The following GALNTL6 variants were observed in gnomAD, a reference collection of about 807,000 sequenced individuals.
GALNTL6 encodes the protein polypeptide N-acetylgalactosaminyltransferase-like 6.
Under a neutral mutation model 73.7 loss-of-function variants are expected in GALNTL6, and 46 were observed. That is an observed-to-expected ratio of 0.62 (90% CI 0.49 to 0.80). The LOEUF (loss-of-function observed/expected upper bound fraction) is 0.80, where lower values mean the gene tolerates loss of function less well. Ranked by LOEUF, GALNTL6 falls within the 30% of genes least tolerant of loss-of-function variation. The probability of loss-of-function intolerance (pLI) is 0.00; values close to 1 mark genes in which losing one functional copy is unlikely to be tolerated. For missense variants in GALNTL6, 604 were observed against 755.0 expected, an observed-to-expected ratio of 0.80 and a Z score of 2.34; for synonymous variants, 259 against 263.7, an observed-to-expected ratio of 0.98 and a Z score of 0.17.
intron 5 of GALNTL6, among the ~76,000 whole-genome samples, chr4:172,619,087 G>A (rs1028488581): frequency 6.6e-6 from 1 of 152,070 alleles, no homozygotes; most frequent in African/African-American, 2.4e-5. Flanking sequence ...AAGAGGTCAG[G>A]AAAAGCAAGC....
intron 5 of GALNTL6, among the ~76,000 whole-genome samples, chr4:172,798,847 AATC>A (rs778779340): frequency 2.0e-5 from 3 of 152,256 alleles, no homozygotes; most frequent in Non-Finnish European, 4.4e-5. Flanking sequence ...TAGAGAGAAA[AATC>A]ATAAATATAC....
At chr4:172,397,108 G>A (rs1413932225) in intron 5 of GALNTL6, among the ~76,000 whole-genome samples, 1 of 152,248 alleles carries the variant, frequency 6.6e-6, no homozygotes, top group Middle Eastern at 3.4e-3. Flanking sequence ...ATATGTGTTT[G>A]TTCATGTGAG....
At chr4:172,958,618 G>T (rs1749876467) in intron 10 of GALNTL6, among the ~76,000 whole-genome samples, 1 of 152,232 alleles carries the variant, frequency 6.6e-6, no homozygotes, top group African/African-American at 2.4e-5. Flanking sequence ...TGAGAGATCA[G>T]TCAGACATGA....
chr4:172,826,146 G>A (rs182505886), intron 7 of GALNTL6, among the ~76,000 whole-genome samples: 1 of 152,162 alleles, frequency 6.6e-6, no homozygotes, highest in Non-Finnish European at 1.5e-5. Flanking sequence ...CAGGACAAGA[G>A]TGCAAATGAA....
At chr4:172,951,725 A>G (rs1251141903) in intron 9 of GALNTL6, among the ~76,000 whole-genome samples, 1 of 152,242 alleles carries the variant, frequency 6.6e-6, no homozygotes, top group Non-Finnish European at 1.5e-5. Flanking sequence ...TAAAAAATGT[A>G]TAATCATGAA....
intron 2 of GALNTL6, among the ~76,000 whole-genome samples, chr4:171,876,996 G>T (rs968353324): frequency 9.2e-5 from 14 of 152,000 alleles, no homozygotes; most frequent in Non-Finnish European, 1.9e-4. Context: ...TTGCTCTGTT[G>T]CTCCTAGTTT....
At chr4:172,823,337 T>C (rs1742049920) in intron 7 of GALNTL6, among the ~76,000 whole-genome samples, 1 of 152,210 alleles carries the variant, frequency 6.6e-6, no homozygotes, top group Non-Finnish European at 1.5e-5. Context: ...ATTCAACAAC[T>C]CTTCTTTTTT....
chr4:172,684,276 A>G (rs2111238947), intron 5 of GALNTL6, among the ~76,000 whole-genome samples: 1 of 152,324 alleles, frequency 6.6e-6, no homozygotes, highest in East Asian at 1.9e-4. Context: ...CATCTACTTC[A>G]TTCATTCATC....
At chr4:172,899,043 C>G (rs1051448922) in intron 8 of GALNTL6, among the ~76,000 whole-genome samples, 1 of 152,156 alleles carries the variant, frequency 6.6e-6, no homozygotes, top group Non-Finnish European at 1.5e-5. Flanking sequence ...ATGACCCTCT[C>G]AGGCAGACCC....
intron 2 of GALNTL6, among the ~76,000 whole-genome samples, chr4:172,175,441 G>C (rs1377209849): frequency 1.3e-5 from 2 of 152,140 alleles, no homozygotes; most frequent in Admixed American, 1.3e-4. Context: ...GAGGAAGCAC[G>C]TAAGGGATTT....
intron 2 of GALNTL6, among the ~76,000 whole-genome samples, chr4:171,992,600 A>G (rs2110740142): frequency 6.6e-6 from 1 of 152,244 alleles, no homozygotes; most frequent in South Asian, 2.1e-4. Flanking sequence ...TCTGTAATGC[A>G]GATTTATTTC....
intron 5 of GALNTL6, among the ~76,000 whole-genome samples, chr4:172,782,924 T>C (rs1217109048): frequency 6.6e-6 from 1 of 152,110 alleles, no homozygotes; most frequent in Admixed American, 6.5e-5. Flanking sequence ...GAGCTTGTTA[T>C]GCATGGTCTA....
intron 5 of GALNTL6, among the ~76,000 whole-genome samples, chr4:172,716,400 A>G (rs879590341): frequency 2.6e-5 from 4 of 152,196 alleles, no homozygotes; most frequent in Non-Finnish European, 4.4e-5. Flanking sequence ...TTCAGCTGAT[A>G]GGTTTTATAA....
chr4:172,317,689 CTT>C (rs1338465686), intron 4 of GALNTL6, among the ~76,000 whole-genome samples: 3 of 152,018 alleles, frequency 2.0e-5, no homozygotes, highest in Non-Finnish European at 2.9e-5. Context: ...CGTTTTGACT[CTT>C]GTCTTTGTAA....
intron 12 of GALNTL6, among the ~76,000 whole-genome samples, chr4:173,031,234 C>T (rs1753446299): frequency 6.6e-6 from 1 of 152,074 alleles, no homozygotes; most frequent in Admixed American, 6.6e-5. Context: ...AATTTAAGTG[C>T]ACCTAGAGCA....
intron 9 of GALNTL6, among the ~76,000 whole-genome samples, chr4:172,945,891 A>G (rs2126324754): frequency 6.6e-6 from 1 of 152,334 alleles, no homozygotes; most frequent in Non-Finnish European, 1.5e-5. Flanking sequence ...AGCTGTACCC[A>G]TGATGACATT....
intron 7 of GALNTL6, among the ~76,000 whole-genome samples, chr4:172,829,597 C>A (rs1020543171): frequency 3.9e-5 from 6 of 152,200 alleles, no homozygotes; most frequent in African/African-American, 1.4e-4. Context: ...ATTGGAATAA[C>A]CTAAATTGCA....
At chr4:172,149,962 G>C (rs1219743424) in intron 2 of GALNTL6, among the ~76,000 whole-genome samples, 1 of 152,148 alleles carries the variant, frequency 6.6e-6, no homozygotes, top group Non-Finnish European at 1.5e-5. Context: ...GCTATTTGTT[G>C]AATAAGGCTC....
chr4:172,086,871 A>C (rs571817458), intron 2 of GALNTL6, among the ~76,000 whole-genome samples: 23 of 152,330 alleles, frequency 1.5e-4, no homozygotes, highest in African/African-American at 5.5e-4. Flanking sequence ...GTATTTATTT[A>C]ACTAAAAATA....
Sources: gnomAD v4.1 joint callset for allele counts (sites outside exome capture counted in the v4.1 genomes callset) on GRCh38, gnomAD v4.1.1 for gene constraint, MANE v1.5 for transcripts, NCBI Gene and HGNC (gene_info 2026-07-23, HGNC 2026-07-21) for gene names.